CD8B: variants seen among roughly 807,000 people sequenced by gnomAD.
CD8B encodes CD8 subunit beta, also known as T-cell surface glycoprotein CD8 beta chain.
A neutral mutation model predicts 24.2 loss-of-function variants in CD8B; 6 were observed. The observed-to-expected ratio is 0.25, with a 90% CI of 0.14 to 0.49. CD8B has a LOEUF of 0.49. CD8B is among the 20% of genes least tolerant of loss of function. The probability of loss-of-function intolerance (pLI) is 0.98; values close to 1 mark genes in which losing one functional copy is unlikely to be tolerated. For synonymous variants in CD8B, 84 were observed against 108.3 expected, an observed-to-expected ratio of 0.78 and a Z score of 1.39; for missense variants, 196 against 271.3, an observed-to-expected ratio of 0.72 and a Z score of 1.95.
rs1675305891 is a variant in CD8B at position 86,839,209 on chromosome 2, G to A, written c.*3098C>T. The stretch of plus-strand genomic sequence containing the variant: ...TATGCATTTGTCATAACCATCATTT[G>A]ATATCAGCATATATGGATCTAGCTC... On this transcript the variant is annotated 3_prime_UTR_variant, in exon 6 of 6. Transcript: ENST00000390655. 6.6e-6 allele frequency among the ~76,000 whole-genome samples: 1 copy of A among 152,140 alleles called. No individual in the cohort carries two copies. The highest frequency in any genetic ancestry group is 1.5e-5 in the Non-Finnish European group (1 of 68,032).
chr2:86,829,478 G>A (rs947135404), intron 5 of CD8B, among the ~76,000 whole-genome samples: 4 of 152,134 alleles, frequency 2.6e-5, no homozygotes, highest in African/African-American at 9.7e-5. Flanking sequence ...GCTGGGGGGA[G>A]TCAGGCGGGT....
At chr2:86,833,633 C>CT (rs1376656078), downstream of CD8B, among the ~76,000 whole-genome samples, 14 of 122,766 alleles carry the variant, frequency 1.1e-4, 1 homozygote, top group Non-Finnish European at 2.4e-4. Flanking sequence ...CCCTCCCTCC[C>CT]TCCCTCCCTT....
At chr2:86,831,553 A>G (rs975983656) in intron 5 of CD8B, among the ~76,000 whole-genome samples, 3 of 152,228 alleles carry the variant, frequency 2.0e-5, no homozygotes, top group Non-Finnish European at 4.4e-5. Flanking sequence ...GAGAAAGAAA[A>G]TGTTTTCCTT....
At chr2:86,833,967 C>T (rs1219555977), downstream of CD8B, among the ~76,000 whole-genome samples, 1 of 152,100 alleles carries the variant, frequency 6.6e-6, no homozygotes, top group East Asian at 1.9e-4. Context: ...CTTTTTAAGT[C>T]ATTCTTTTGA....
intron 5 of CD8B, among the ~76,000 whole-genome samples, chr2:86,828,858 T>C (rs72847706): frequency 0.25 from 38,547 of 151,790 alleles, 5,445 homozygotes; most frequent in Non-Finnish European, 0.33. Flanking sequence ...CTAATAACTC[T>C]TCATCACTTT....
rs1675420787 is a variant in CD8B, at chr2:86,841,505, CCTT to C, written c.*799_*801del. ...CAAAAGGAGGATGTACAAATTTTCT[CCTT>C]CTGGTTTCTGTTCCACGGAGCACTG... On this transcript the variant is annotated 3_prime_UTR_variant, in exon 6 of 6. Transcript: ENST00000390655. The C allele has an allele frequency of 1.4e-6, 1 of 719,916 alleles. No homozygotes were observed. Among genetic ancestry groups the C allele is most frequent in the African/African-American group, 2.0e-5 (1 of 50,786 alleles). 44.6% of individuals were successfully genotyped at this position (719,916 alleles called of 1,614,324 possible). A position where few individuals can be genotyped will look rare whatever the true frequency, so the allele number is the denominator to read the frequency against.
intron 5 of CD8B, among the ~76,000 whole-genome samples, chr2:86,818,607 T>A (rs1055658655): frequency 3.3e-5 from 5 of 152,196 alleles, no homozygotes; most frequent in African/African-American, 1.2e-4. Context: ...GACAGTGAAC[T>A]TGATCCATAA....
At chr2:86,843,405 A>G (rs921189307) in intron 5 of CD8B, 2 of 977,056 alleles carry the variant, frequency 2.0e-6, no homozygotes, top group African/African-American at 3.5e-5. Flanking sequence ...CCTTGAATGG[A>G]ACTTTCTAGA....
intron 5 of CD8B, among the ~76,000 whole-genome samples, chr2:86,843,919 G>A (rs1279322158): frequency 6.6e-6 from 1 of 152,242 alleles, no homozygotes; most frequent in African/African-American, 2.4e-5. Context: ...TGGAGCTTTT[G>A]AGCAGGAGAA....
chr2:86,824,100 C>T (rs1439788612), intron 5 of CD8B, among the ~76,000 whole-genome samples: 1 of 151,330 alleles, frequency 6.6e-6, no homozygotes, highest in South Asian at 2.1e-4. Flanking sequence ...AGCAGGGACC[C>T]TCTTCTCCCT....
chr2:86,826,943 T>G (rs1674715837), intron 5 of CD8B, among the ~76,000 whole-genome samples: 1 of 151,982 alleles, frequency 6.6e-6, no homozygotes, highest in Non-Finnish European at 1.5e-5. Context: ...TGCTTCAGTC[T>G]CCTGAGTAGC....
At position 86,842,034 on chromosome 2, in the gene CD8B, G is replaced by T. The variant is rs1167328359; in HGVS notation, c.*273C>A. The T allele has an allele frequency of 1.7e-6, 2 of 1,209,746 alleles. No individual in the cohort carries two copies. The highest frequency in any genetic ancestry group is 2.1e-6 in the Non-Finnish European group (2 of 969,328). The allele number at this position is 1,209,746 out of a possible 1,614,324, so 74.9% of individuals were successfully genotyped here. A position where few individuals can be genotyped will look rare whatever the true frequency, so the allele number is the denominator to read the frequency against. On this transcript the variant is annotated 3_prime_UTR_variant, in exon 6 of 6. Coordinates refer to ENST00000390655, the MANE Select transcript of CD8B (RefSeq NM_004931.5). ...GAAAGCACAGGAGCCGGAAGCGGTGGCATGGGCAGCATTTCTTACTCAGTC... is the reference window on the plus strand; with the variant it reads ...GAAAGCACAGGAGCCGGAAGCGGTGTCATGGGCAGCATTTCTTACTCAGTC...
chr2:86,836,281 T>C (rs543136411), downstream of CD8B, among the ~76,000 whole-genome samples: 9 of 152,224 alleles, frequency 5.9e-5, no homozygotes, highest in East Asian at 1.9e-4. Flanking sequence ...AGGAGTGATT[T>C]GTACAGGTGG....
chr2:86,852,981 G>A lies in CD8B; in HGVS notation c.493+16C>T. 4 of 1,508,544 alleles carry A rather than the reference G, an allele frequency of 2.7e-6. No individual in the cohort carries two copies. Among genetic ancestry groups the A allele is most frequent in the East Asian group, 2.5e-5 (1 of 40,540 alleles). The allele number at this position is 1,508,544 out of a possible 1,614,324, so 93.4% of individuals were successfully genotyped here. On this transcript the variant is annotated intron_variant, in intron 3 of 5. Transcript: ENST00000390655. ...TCTGCCTTGTTTCTGAGGGTGCAGAGGGATAGGGAACTCACCCTTCTGGGT... is the reference window on the plus strand; with the variant it reads ...TCTGCCTTGTTTCTGAGGGTGCAGAAGGATAGGGAACTCACCCTTCTGGGT...
intron 5 of CD8B, among the ~76,000 whole-genome samples, chr2:86,816,169 T>A (rs1025091773): frequency 5.9e-5 from 9 of 152,342 alleles, no homozygotes; most frequent in Middle Eastern, 3.4e-3. Flanking sequence ...GGTCAACAGC[T>A]GCAGGAGACT....
intron 5 of CD8B, among the ~76,000 whole-genome samples, chr2:86,830,640 A>G (rs1193359169): frequency 1.3e-5 from 2 of 152,108 alleles, no homozygotes; most frequent in Admixed American, 1.3e-4. Flanking sequence ...ATATTCATAG[A>G]AGTGAAATTG....
intron 3 of CD8B, among the ~76,000 whole-genome samples, chr2:86,851,861 A>T (rs866834923): frequency 6.6e-6 from 1 of 152,236 alleles, no homozygotes; most frequent in South Asian, 2.1e-4. Context: ...CATACACTCC[A>T]GCTGAGGTGT....
At chr2:86,844,112 C>T (rs1675558446) in intron 5 of CD8B, among the ~76,000 whole-genome samples, 3 of 152,120 alleles carry the variant, frequency 2.0e-5, no homozygotes, top group African/African-American at 7.2e-5. Context: ...TTCCAACAGC[C>T]TCATGAAAGA....
chr2:86,847,179 C>T (rs1358191929), intron 3 of CD8B, among the ~76,000 whole-genome samples: 8 of 151,858 alleles, frequency 5.3e-5, no homozygotes, highest in South Asian at 4.2e-4. Flanking sequence ...TCAAGCAATC[C>T]GCCCACCTTG....
Sources: allele counts gnomAD v4.1 joint callset (sites outside exome capture counted in the v4.1 genomes callset), GRCh38; gene constraint gnomAD v4.1.1; transcripts MANE v1.5; gene names NCBI Gene and HGNC (gene_info 2026-07-23, HGNC 2026-07-21).